NELL2: variants seen among roughly 807,000 people sequenced by gnomAD.
NELL2 encodes the protein neural EGFL like 2.
Under a neutral mutation model 109.6 loss-of-function variants are expected in NELL2, and 41 were observed. That is an observed-to-expected ratio of 0.37 (90% confidence interval 0.29 to 0.49). NELL2 has a LOEUF of 0.49. Ranked by LOEUF, NELL2 falls within the 20% of genes least tolerant of loss-of-function variation. The pLI is 0.98. For synonymous variants in NELL2, 355 were observed against 344.7 expected (o/e 1.03, Z -0.33); for missense variants, 900 against 1,008.3 (o/e 0.89, Z 1.45).
chr12:44,680,554 C>A (rs747793775), intron 12 of NELL2, among the ~76,000 whole-genome samples: 2 of 152,120 alleles, frequency 1.3e-5, no homozygotes, highest in Non-Finnish European at 2.9e-5. Context: ...TCCCAGGGAT[C>A]TATTTTTATA....
chr12:44,844,868 T>A (rs573505008), intron 2 of NELL2, among the ~76,000 whole-genome samples: 5 of 152,276 alleles, frequency 3.3e-5, no homozygotes, highest in South Asian at 2.1e-4. Flanking sequence ...GGAAGAGTTT[T>A]TCACTGTGCA....
At chr12:44,813,500 T>C (rs1943244414) in intron 3 of NELL2, among the ~76,000 whole-genome samples, 1 of 152,072 alleles carries the variant, frequency 6.6e-6, no homozygotes, top group Admixed American at 6.6e-5. Context: ...ATAATATAAA[T>C]TTTAAAGGTA....
intron 15 of NELL2, among the ~76,000 whole-genome samples, chr12:44,559,201 C>A (rs573251630): frequency 2.0e-5 from 3 of 152,194 alleles, no homozygotes; most frequent in Non-Finnish European, 4.4e-5. Flanking sequence ...AAAGGAAAAA[C>A]TGGTACCAGC....
rs1470170883 is a variant in NELL2 at position 44,644,596 on chromosome 12, A to ATGTATGTATG, written c.1444+20887_1444+20888insCATACATACA. 9.7e-4 allele frequency among the ~76,000 whole-genome samples: 80 copies of ATGTATGTATG among 82,848 alleles called. 1 individual carries two copies. In the Middle Eastern group the frequency reaches 0.018, roughly 19 times the overall value. The allele number at this position is 82,848 out of a possible 152,430, so 54.4% of individuals were successfully genotyped here. ...CAAAGTAAAGTATATATATATATAT[A>ATGTATGTATG]TATATATGTATGTATATATATATAT... is the stretch of plus-strand genomic sequence containing the variant. On this transcript the variant is annotated intron_variant, in intron 13 of 19. Coordinates refer to ENST00000429094, the MANE Select transcript of NELL2 (RefSeq NM_001145108.2).
Position 44,876,066 on chromosome 12 carries a change from C to A in NELL2, c.-197G>T. 12 of 1,437,108 alleles carry A rather than the reference C, an allele frequency of 8.4e-6. No homozygotes were observed. The highest frequency in any genetic ancestry group is 1.1e-5 in the Non-Finnish European group (12 of 1,101,112). 89.0% of individuals were successfully genotyped at this position (1,437,108 alleles called of 1,614,324 possible). A position where few individuals can be genotyped will look rare whatever the true frequency, so the allele number is the denominator to read the frequency against. ...CCCCAGGCGCGTGAAGAACTTAGAC[C>A]CTCCAATGCGCACATCATTCCCACA... On this transcript the variant is annotated 5_prime_UTR_variant, in exon 1 of 20. Transcript: ENST00000429094.
At chr12:44,782,209 G>T (rs1191708733) in intron 3 of NELL2, among the ~76,000 whole-genome samples, 1 of 151,804 alleles carries the variant, frequency 6.6e-6, no homozygotes, top group Non-Finnish European at 1.5e-5. Context: ...CGAACAATCA[G>T]TTATAAGTTA....
Position 44,703,842 on chromosome 12 carries a change from C to A in NELL2, c.1202G>T (p.Cys401Phe). 6.2e-7 allele frequency: 1 copy of A among 1,610,718 alleles called. No homozygotes were observed. The highest frequency in any genetic ancestry group is 8.5e-7 in the Non-Finnish European group (1 of 1,178,570). ...CCKVCKGYDF[C>F]SERHNCMENS... The stretch of plus-strand genomic sequence containing the variant: ...CTCCATGCAGTTATGCCTTTCAGAA[C>A]AAAAGTCATAACCTACAGAAAAAAA... Residue 401 changes from cysteine (C) to phenylalanine (F), a missense_variant, in exon 12 of 20, where the codon TGT becomes TTT. Cys to Phe is a radical substitution (Grantham distance 205, BLOSUM62 -2). Coordinates refer to ENST00000429094, the MANE Select transcript of NELL2 (RefSeq NM_001145108.2).
upstream of NELL2, chr12:44,876,374 CG>C: frequency 1.7e-6 from 2 of 1,182,174 alleles, no homozygotes; most frequent in Non-Finnish European, 1.1e-6. Context: ...AGGGGCGGGC[CG>C]GGGGAGGCGG....
chr12:44,810,106 A>T (rs1052565481), intron 3 of NELL2, among the ~76,000 whole-genome samples: 14 of 152,096 alleles, frequency 9.2e-5, no homozygotes, highest in Admixed American at 4.6e-4. Context: ...TAGCTTGATG[A>T]AAACTTTGTG....
intron 13 of NELL2, among the ~76,000 whole-genome samples, chr12:44,631,514 C>T (rs561471604): frequency 2.8e-4 from 43 of 151,996 alleles, no homozygotes; most frequent in Admixed American, 2.8e-3. Flanking sequence ...ACGGCAACAG[C>T]GGACACTGGG....
At chr12:44,661,173 T>C (rs1310626694) in intron 13 of NELL2, among the ~76,000 whole-genome samples, 1 of 152,144 alleles carries the variant, frequency 6.6e-6, no homozygotes, top group Admixed American at 6.5e-5. Flanking sequence ...CATGCTCACT[T>C]CCCAAGCGTA....
intron 2 of NELL2, among the ~76,000 whole-genome samples, chr12:44,827,273 C>T (rs1056128197): frequency 6.6e-6 from 1 of 152,120 alleles, no homozygotes; most frequent in African/African-American, 2.4e-5. Context: ...TATCCATCAC[C>T]TCAAGCACTT....
intron 9 of NELL2, among the ~76,000 whole-genome samples, chr12:44,762,468 C>T (rs1206947573): frequency 6.6e-6 from 1 of 152,178 alleles, no homozygotes; most frequent in Non-Finnish European, 1.5e-5. Context: ...ATGAAGCTAC[C>T]ATCATTTCTT....
intron 9 of NELL2, among the ~76,000 whole-genome samples, chr12:44,758,327 T>C (rs933566949): frequency 4.6e-5 from 7 of 152,212 alleles, no homozygotes; most frequent in African/African-American, 1.2e-4. Context: ...TTCAGGATGG[T>C]TGCGTTTTCT....
intron 12 of NELL2, among the ~76,000 whole-genome samples, chr12:44,676,032 A>T (rs938172140): frequency 4.6e-5 from 7 of 152,148 alleles, no homozygotes; most frequent in African/African-American, 1.7e-4. Flanking sequence ...TATCTTGATT[A>T]TATCCTGTAA....
chr12:44,848,660 T>C (rs1283543848), intron 2 of NELL2, among the ~76,000 whole-genome samples: 1 of 152,036 alleles, frequency 6.6e-6, no homozygotes, highest in Non-Finnish European at 1.5e-5. Flanking sequence ...CTGTCATCAC[T>C]TTATAAAAGA....
At chr12:44,847,251 A>G (rs1459785913) in intron 2 of NELL2, among the ~76,000 whole-genome samples, 2 of 151,958 alleles carry the variant, frequency 1.3e-5, no homozygotes, top group South Asian at 2.1e-4. Context: ...GAATATTTGA[A>G]CCCTCATTCT....
At chr12:44,917,831 T>A (rs1011859885), upstream of NELL2, among the ~76,000 whole-genome samples, 15 of 152,160 alleles carry the variant, frequency 9.9e-5, no homozygotes, top group African/African-American at 3.6e-4. Context: ...AGTAACTAAA[T>A]GGCCTCTAAG....
intron 15 of NELL2, among the ~76,000 whole-genome samples, chr12:44,552,512 A>G (rs1565913397): frequency 6.6e-6 from 1 of 152,186 alleles, no homozygotes; most frequent in African/African-American, 2.4e-5. Flanking sequence ...CTTCAATTAC[A>G]GGTCTCTTGC....
Sources: gnomAD v4.1 joint callset for allele counts (sites outside exome capture counted in the v4.1 genomes callset) on GRCh38, gnomAD v4.1.1 for gene constraint, MANE v1.5 for transcripts, NCBI Gene and HGNC (gene_info 2026-07-23, HGNC 2026-07-21) for gene names.